ADD2: variants seen among roughly 807,000 people sequenced by gnomAD.
ADD2 encodes beta-adducin.
A neutral mutation model predicts 83.0 loss-of-function variants in ADD2; 23 were observed. The observed-to-expected ratio is 0.28, with a 90% CI of 0.20 to 0.39. ADD2 has a LOEUF of 0.39. ADD2 is among the 10% of genes least tolerant of loss of function. ADD2 has a pLI of 1.00. For synonymous variants in ADD2, 375 were observed against 375.4 expected, an observed-to-expected ratio of 1.00 and a Z score of 0.01; for missense variants, 758 against 944.9, an observed-to-expected ratio of 0.80 and a Z score of 2.59.
intron 10 of ADD2, among the ~76,000 whole-genome samples, chr2:70,682,067 T>C (rs1670481133): frequency 6.6e-6 from 1 of 152,212 alleles, no homozygotes; most frequent in South Asian, 2.1e-4. Flanking sequence ...GAAATACATT[T>C]AAAAGATTTA....
chr2:70,767,602 A>G (rs900796451), intron 1 of ADD2: 12 of 1,253,182 alleles, frequency 9.6e-6, no homozygotes, highest in Non-Finnish European at 1.1e-5. Flanking sequence ...AGAAAGCCCC[A>G]CCTGTCAGGC....
intron 3 of ADD2, among the ~76,000 whole-genome samples, chr2:70,705,940 G>A (rs951327731): frequency 6.6e-6 from 1 of 152,166 alleles, no homozygotes; most frequent in African/African-American, 2.4e-5. Flanking sequence ...GGAAGACTGG[G>A]AACTGAGGCT....
chr2:70,762,748 C>T lies in ADD2; in HGVS notation c.-154+5138G>A, dbSNP rs1201268656. On this transcript the variant is annotated intron_variant, in intron 1 of 15. Coordinates refer to ENST00000264436, the MANE Select transcript of ADD2 (RefSeq NM_001617.4). ...GAGATGGAGTTTCATTCTTGTTGCC[C>T]AGGCTGGAGTGCAATGGTGTGATCT... 8.0e-5 allele frequency among the ~76,000 whole-genome samples: 12 copies of T among 150,662 alleles called. 1 individual carries two copies. Among genetic ancestry groups the T allele is most frequent in the Middle Eastern group, 3.4e-3 (1 of 292 alleles).
At chr2:70,664,032 G>T (rs1370332467) in intron 15 of ADD2, among the ~76,000 whole-genome samples, 2 of 152,196 alleles carry the variant, frequency 1.3e-5, no homozygotes, top group Admixed American at 1.3e-4. Flanking sequence ...CTGGGGTCCA[G>T]CTCAGAGTTT....
chr2:70,672,981 C>T lies in ADD2; in HGVS notation c.1767G>A (p.Glu589=). ...LDGEKETAPE[E]PGSPAKSAPA... ...GTGCAGACTTTGCAGGTGAGCCAGG[C>T]TCTTCTGGGGCAGTTTCTTTCTCTC... Residue 589 remains glutamate, a synonymous_variant, in exon 15 of 16, where the codon GAG becomes GAA. Transcript: ENST00000264436. The T allele has an allele frequency of 6.2e-7, 1 of 1,613,854 alleles. No homozygotes were observed. The highest frequency in any genetic ancestry group is 8.5e-7 in the Non-Finnish European group (1 of 1,179,978).
intron 1 of ADD2, among the ~76,000 whole-genome samples, chr2:70,750,527 A>T (rs782227934): frequency 6.6e-6 from 1 of 152,204 alleles, no homozygotes; most frequent in African/African-American, 2.4e-5. Flanking sequence ...ACACACACAC[A>T]CAGAGGAAAG....
At chr2:70,737,570 T>C (rs1384651410) in intron 1 of ADD2, among the ~76,000 whole-genome samples, 4 of 93,006 alleles carry the variant, frequency 4.3e-5, no homozygotes, top group African/African-American at 4.4e-5. Flanking sequence ...CACCGGGGCC[T>C]GTCATGGGGT....
chr2:70,674,983 T>C (rs781878985), intron 13 of ADD2, 158 bp from the exon 14 acceptor site: 3 of 1,345,262 alleles, frequency 2.2e-6, no homozygotes, highest in Non-Finnish European at 2.9e-6. Context: ...GGGTAGGGAT[T>C]GTTCTTTCCT....
intron 1 of ADD2, among the ~76,000 whole-genome samples, chr2:70,713,814 A>T (rs1317790613): frequency 6.6e-6 from 1 of 151,842 alleles, no homozygotes; most frequent in African/African-American, 2.4e-5. Flanking sequence ...GGCTGGGAGG[A>T]TCTCCCTTCC....
intron 1 of ADD2, among the ~76,000 whole-genome samples, chr2:70,734,527 A>G (rs1673429744): frequency 6.6e-6 from 1 of 152,120 alleles, no homozygotes; most frequent in Non-Finnish European, 1.5e-5. Flanking sequence ...GGGGTAGCAC[A>G]TTGGTCTGGA....
chr2:70,704,263 T>TCCCCCCCCCCCCCCCCCCCCCCCCCCACC, intron 4 of ADD2, 58 bp downstream of exon 4: 1 of 913,238 alleles, frequency 1.1e-6, no homozygotes. Flanking sequence ...CTCCCTCTCT[T>TCCCCCCCCCCCCCCCCCCCCCCCCCCACC]CCCCACCCCA....
chr2:70,706,156 T>A lies in ADD2; in HGVS notation c.183+70A>T. The A allele has an allele frequency of 6.6e-7, 1 of 1,516,232 alleles. No homozygotes were observed. Among genetic ancestry groups the A allele is most frequent in the Non-Finnish European group, 9.0e-7 (1 of 1,108,386 alleles). 93.9% of individuals were successfully genotyped at this position (1,516,232 alleles called of 1,614,324 possible). ...AAGGGAAAGAGGAGTTACTCATCTT[T>A]CGGGTGGGTACACGTCCTGAAGAGC... On this transcript the variant is annotated intron_variant, in intron 3 of 15. Coordinates refer to ENST00000264436, the MANE Select transcript of ADD2 (RefSeq NM_001617.4). This position sits in a 1 kb window ranked among gnomAD's most constrained non-coding sequence, Gnocchi z 5.0.
intron 6 of ADD2, among the ~76,000 whole-genome samples, chr2:70,694,018 C>T (rs1294816424): frequency 6.6e-6 from 1 of 152,172 alleles, no homozygotes; most frequent in Admixed American, 6.5e-5. Context: ...GTGAGTGGAG[C>T]ACAGGTTGGA....
intron 15 of ADD2, 138 bp downstream of exon 15, chr2:70,672,740 C>A (rs1440624661): frequency 3.1e-6 from 3 of 963,338 alleles, no homozygotes; most frequent in Non-Finnish European, 4.5e-6. Flanking sequence ...AACTTGATAA[C>A]CCCTATTTCT....
chr2:70,762,738 T>C (rs577968149), intron 1 of ADD2, among the ~76,000 whole-genome samples: 1 of 151,010 alleles, frequency 6.6e-6, no homozygotes, highest in Non-Finnish European at 1.5e-5. Flanking sequence ...GGAGTTTCAT[T>C]CTTGTTGCCC....
intron 15 of ADD2, among the ~76,000 whole-genome samples, chr2:70,667,346 C>T (rs1553366304): frequency 7.2e-5 from 11 of 152,048 alleles, no homozygotes; most frequent in Non-Finnish European, 1.5e-4. Flanking sequence ...AGGGCCCACA[C>T]CCAGACCCTG....
chr2:70,686,212 C>T (rs1267913948), intron 9 of ADD2, among the ~76,000 whole-genome samples: 1 of 152,208 alleles, frequency 6.6e-6, no homozygotes, highest in Non-Finnish European at 1.5e-5. Flanking sequence ...CACACCTCCT[C>T]TAGGCTTTCC....
chr2:70,727,767 A>C (rs1395419443), intron 1 of ADD2, among the ~76,000 whole-genome samples: 1 of 152,044 alleles, frequency 6.6e-6, no homozygotes, highest in Non-Finnish European at 1.5e-5. Context: ...GTGGTGATGC[A>C]TGCCTGTAAT....
intron 1 of ADD2, among the ~76,000 whole-genome samples, chr2:70,761,741 G>C (rs1239284355): frequency 6.7e-6 from 1 of 149,504 alleles, no homozygotes; most frequent in South Asian, 2.1e-4. Context: ...GTGCAATCTC[G>C]GCTCACTGCA....
Sources: allele counts gnomAD v4.1 joint callset (sites outside exome capture counted in the v4.1 genomes callset), GRCh38; gene constraint gnomAD v4.1.1; non-coding constraint Gnocchi (gnomAD v3.1); transcripts MANE v1.5; gene names NCBI Gene and HGNC (gene_info 2026-07-23, HGNC 2026-07-21).